Variants in RNMT observed in about 807,000 individuals in gnomAD.
The protein encoded by RNMT is RNA guanine-7 methyltransferase, also known as mRNA cap guanine-N(7) methyltransferase.
Under a neutral mutation model 56.0 loss-of-function variants are expected in RNMT, and 27 were observed. The observed-to-expected ratio is 0.48, with a 90% confidence interval of 0.36 to 0.67. The LOEUF (loss-of-function observed/expected upper bound fraction) is 0.67, where lower values mean the gene tolerates loss of function less well. Ranked by LOEUF, RNMT falls within the 30% of genes least tolerant of loss-of-function variation. The probability of loss-of-function intolerance (pLI) is 0.00; values close to 1 mark genes in which losing one functional copy is unlikely to be tolerated. For missense variants in RNMT, 519 were observed against 552.1 expected (o/e 0.94, Z 0.60); for synonymous variants, 184 against 176.2 (o/e 1.04, Z -0.35).
chr18:13,737,174 T>G (rs776794061), intron 5 of RNMT, 39 bp downstream of exon 5: 7 of 1,517,646 alleles, frequency 4.6e-6, no homozygotes, highest in Non-Finnish European at 6.3e-6. Flanking sequence ...TAATTTGTAG[T>G]CAGATAAATG....
intron 6 of RNMT, 149 bp from the exon 7 acceptor site, chr18:13,741,361 C>T: frequency 1.9e-6 from 1 of 537,060 alleles, no homozygotes; most frequent in East Asian, 3.0e-5. Flanking sequence ...AACTAGAATA[C>T]ATGCATGATT....
At chr18:13,747,894 A>G (rs1048997375) in intron 9 of RNMT, among the ~76,000 whole-genome samples, 2 of 152,190 alleles carry the variant, frequency 1.3e-5, no homozygotes, top group Non-Finnish European at 1.5e-5. Context: ...CATATACAGC[A>G]TATCTTTAGC....
At chr18:13,741,469 G>T (rs1453824389) in intron 6 of RNMT, 41 bp from the exon 7 acceptor site, 4 of 1,433,974 alleles carry the variant, frequency 2.8e-6, no homozygotes, top group Non-Finnish European at 3.9e-6. Flanking sequence ...AATCTTTGTT[G>T]TAGTTACCTC....
intron 1 of RNMT, among the ~76,000 whole-genome samples, chr18:13,728,842 T>G (rs2044020128): frequency 6.6e-6 from 1 of 152,158 alleles, no homozygotes; most frequent in Admixed American, 6.5e-5. Flanking sequence ...TCTTTTTTTT[T>G]GCTATTGAGT....
Position 13,760,040 on chromosome 18 carries a change from T to C in RNMT, c.*61T>C. The C allele has an allele frequency of 1.3e-6, 2 of 1,588,528 alleles. No homozygotes were observed. The highest frequency in any genetic ancestry group is 1.7e-6 in the Non-Finnish European group (2 of 1,167,054). Reference sequence around the variant, plus strand: ...GTCCTGCACAAATTTGAACAACTCATCTCGATATATTTGATATTTCTCTGT... The same window carrying C: ...GTCCTGCACAAATTTGAACAACTCACCTCGATATATTTGATATTTCTCTGT... On this transcript the variant is annotated 3_prime_UTR_variant, in exon 12 of 12. Coordinates refer to ENST00000383314, the MANE Select transcript of RNMT (RefSeq NM_003799.3).
Position 13,754,118 on chromosome 18 carries a change from C to A in RNMT, c.1364C>A (p.Thr455Asn). The A allele has an allele frequency of 2.6e-6, 4 of 1,548,606 alleles. No individual in the cohort carries two copies. The highest frequency in any genetic ancestry group is 3.6e-6 in the Non-Finnish European group (4 of 1,123,022). Residue 455 changes from threonine (T) to asparagine (N), a missense_variant, in exon 11 of 12, where the codon ACC (threonine) becomes AAC (asparagine). Coordinates refer to ENST00000383314, the MANE Select transcript of RNMT (RefSeq NM_003799.3). ...TTTTCTCTTTTGTAATTTTAGGGAA[C>A]CTTAAGTAAATCAGAATGGGAAGCT... ...KNSQVRLPLGTLSKSEWEATS... is the reference protein window; with the variant it reads ...KNSQVRLPLGNLSKSEWEATS...
intron 10 of RNMT, among the ~76,000 whole-genome samples, chr18:13,753,727 C>T (rs1205256925): frequency 1.3e-5 from 2 of 151,638 alleles, no homozygotes; most frequent in African/African-American, 2.4e-5. Context: ...GCCAAGATCA[C>T]GCCACTGCCC....
chr18:13,755,935 G>T (rs961632294), intron 11 of RNMT, among the ~76,000 whole-genome samples: 1 of 152,214 alleles, frequency 6.6e-6, no homozygotes, highest in Non-Finnish European at 1.5e-5. Context: ...AATTGGAAGA[G>T]ATGGGCTGGA....
chr18:13,748,731 G>A (rs2044390720), intron 9 of RNMT, among the ~76,000 whole-genome samples: 1 of 151,992 alleles, frequency 6.6e-6, no homozygotes, highest in South Asian at 2.1e-4. Context: ...CATATTCTAG[G>A]GACAGTTCTG....
At position 13,762,272 on chromosome 18, in the gene RNMT, G is replaced by C; in HGVS notation, c.*2293G>C. 3 of 1,198,562 alleles carry C rather than the reference G, an allele frequency of 2.5e-6. No homozygotes were observed. The highest frequency in any genetic ancestry group is 3.4e-6 in the Non-Finnish European group (3 of 878,048). 74.2% of individuals were successfully genotyped at this position (1,198,562 alleles called of 1,614,324 possible). A position where few individuals can be genotyped will look rare whatever the true frequency, so the allele number is the denominator to read the frequency against. On this transcript the variant is annotated 3_prime_UTR_variant, in exon 12 of 12. Coordinates refer to ENST00000383314, the MANE Select transcript of RNMT (RefSeq NM_003799.3). Reference sequence around the variant, plus strand: ...GGATTGTGATTTAACCAAGAATGCTGATGTTGAATTCTTTGGGCCTAGAAT... The same window carrying C: ...GGATTGTGATTTAACCAAGAATGCTCATGTTGAATTCTTTGGGCCTAGAAT...
Position 13,754,099 on chromosome 18 carries a change from C to T in RNMT, c.1360-15C>T. 6.7e-7 allele frequency: 1 copy of T among 1,498,338 alleles called. No homozygotes were observed. 92.8% of individuals were successfully genotyped at this position (1,498,338 alleles called of 1,614,324 possible). ...ATTGAATCTAAAATTTTCTTTTTCTCTTTTGTAATTTTAGGGAACCTTAAG... is the reference window on the plus strand; with the variant it reads ...ATTGAATCTAAAATTTTCTTTTTCTTTTTTGTAATTTTAGGGAACCTTAAG... On this transcript the variant is annotated splice_polypyrimidine_tract_variant and intron_variant, in intron 10 of 11. Transcript: ENST00000383314.
intron 9 of RNMT, 65 bp downstream of exon 9, chr18:13,746,402 C>A: frequency 2.3e-6 from 2 of 866,704 alleles, no homozygotes; most frequent in Non-Finnish European, 3.8e-6. Flanking sequence ...TTCTTGAGAT[C>A]CTTGCAAGGC....
At chr18:13,740,382 C>T (rs1276104289) in intron 6 of RNMT, 103 bp downstream of exon 6, 2 of 693,254 alleles carry the variant, frequency 2.9e-6, no homozygotes, top group Admixed American at 5.6e-5. Context: ...AAAAAATTTA[C>T]TCTTATTTTT....
intron 9 of RNMT, 82 bp from the exon 10 acceptor site, chr18:13,752,244 T>A: frequency 1.2e-6 from 1 of 800,584 alleles, no homozygotes; most frequent in Non-Finnish European, 2.2e-6. Flanking sequence ...CTCCTAATTA[T>A]GTTATTTCAG....
intron 2 of RNMT, among the ~76,000 whole-genome samples, 184 bp from the exon 3 acceptor site, chr18:13,731,292 C>A (rs1601992221): frequency 6.6e-6 from 1 of 151,992 alleles, no homozygotes; most frequent in East Asian, 1.9e-4. Flanking sequence ...CCTGTAATCC[C>A]AGCTACTGGG....
chr18:13,755,771 T>A (rs2044532242), intron 11 of RNMT, among the ~76,000 whole-genome samples: 1 of 152,208 alleles, frequency 6.6e-6, no homozygotes, highest in African/African-American at 2.4e-5. Context: ...TGGTTGCCTG[T>A]CTTAGACATC....
chr18:13,734,196 G>GT (rs2044121643), intron 3 of RNMT, among the ~76,000 whole-genome samples: 2 of 152,164 alleles, frequency 1.3e-5, no homozygotes, highest in South Asian at 4.1e-4. Flanking sequence ...ACGAGGAACT[G>GT]TGAGTCCATT....
intron 11 of RNMT, 61 bp from the exon 12 acceptor site, chr18:13,759,881 C>G: frequency 7.0e-7 from 1 of 1,435,478 alleles, no homozygotes; most frequent in African/African-American, 1.4e-5. Context: ...ATGAACAAGA[C>G]AGATTGTTTT....
At chr18:13,759,778 TA>T (rs2044596978) in intron 11 of RNMT, among the ~76,000 whole-genome samples, 163 bp from the exon 12 acceptor site, 1 of 152,208 alleles carries the variant, frequency 6.6e-6, no homozygotes, top group South Asian at 2.1e-4. Flanking sequence ...CATGTCTGCC[TA>T]AAAATGATTC....
Sources: gnomAD v4.1 joint callset for allele counts (sites outside exome capture counted in the v4.1 genomes callset) on GRCh38, gnomAD v4.1.1 for gene constraint, MANE v1.5 for transcripts, NCBI Gene and HGNC (gene_info 2026-07-23, HGNC 2026-07-21) for gene names.